Variants in NAF1 observed in about 807,000 individuals in gnomAD.
NAF1 encodes nuclear assembly factor 1 ribonucleoprotein.
In NAF1, 11 loss-of-function variants were observed where a neutral mutation model predicts 40.6. The observed-to-expected ratio is 0.27, with a 90% CI of 0.17 to 0.45. The LOEUF (loss-of-function observed/expected upper bound fraction) is 0.45. Among genes scored for constraint, NAF1 ranks in the 20% least tolerant of loss-of-function variants. NAF1 has a pLI of 1.00. For synonymous variants in NAF1, 260 were observed against 228.5 expected (o/e 1.14, Z -1.24); for missense variants, 607 against 611.1 (o/e 0.99, Z 0.07).
At chr4:163,114,257 A>T (rs1480341094) in intron 2 of NAF1, among the ~76,000 whole-genome samples, 1 of 152,204 alleles carries the variant, frequency 6.6e-6, no homozygotes, top group Non-Finnish European at 1.5e-5. Context: ...ATGGCAATAA[A>T]GCACTTAGTA....
intron 2 of NAF1, among the ~76,000 whole-genome samples, chr4:163,149,950 TG>T (rs1225589324): frequency 6.6e-6 from 1 of 152,146 alleles, no homozygotes; most frequent in African/African-American, 2.4e-5. Context: ...ACTCGGGTTC[TG>T]GGAGTGGCTC....
At chr4:163,151,211 ACAATTTC>A (rs1486802798) in intron 2 of NAF1, among the ~76,000 whole-genome samples, 105 of 152,180 alleles carry the variant, frequency 6.9e-4, no homozygotes, top group African/African-American at 2.5e-3. Flanking sequence ...AAGAAACTAA[ACAATTTC>A]AGTCATTTAG....
chr4:163,159,037 G>T lies in NAF1; in HGVS notation c.540+5180C>A, dbSNP rs190319201. 2.2e-4 allele frequency among the ~76,000 whole-genome samples: 34 copies of T among 152,128 alleles called. No individual in the cohort carries two copies. The East Asian group carries it at 5.0e-3, about 22-fold the overall frequency. On this transcript the variant is annotated intron_variant, in intron 2 of 7. Coordinates refer to ENST00000274054, the MANE Select transcript of NAF1 (RefSeq NM_138386.3). ...CAGATATTTGTCTTTATCTTCTAAA[G>T]CAATCAGCAGAATTCACTTATTAGA...
intron 4 of NAF1, chr4:163,141,996 T>C (rs1296295768): frequency 2.8e-5 from 23 of 808,428 alleles, no homozygotes; most frequent in Non-Finnish European, 3.4e-5. Flanking sequence ...TTAAAAACTA[T>C]TAAAATGCCA....
At chr4:163,120,366 T>C (rs931981013) in intron 2 of NAF1, among the ~76,000 whole-genome samples, 1 of 152,226 alleles carries the variant, frequency 6.6e-6, no homozygotes, top group Non-Finnish European at 1.5e-5. Context: ...TATACTAATA[T>C]TTTATCCCTT....
chr4:163,143,323 G>C (rs968828466), intron 4 of NAF1, among the ~76,000 whole-genome samples: 1 of 152,140 alleles, frequency 6.6e-6, no homozygotes, highest in Non-Finnish European at 1.5e-5. Flanking sequence ...TATAATGTAG[G>C]ATCTGCTGGG....
At chr4:163,110,321 T>C in intron 2 of NAF1, 2 of 696,262 alleles carry the variant, frequency 2.9e-6, no homozygotes, top group Non-Finnish European at 5.2e-6. Context: ...ATCAGATATT[T>C]TGAGAGAGAA....
chr4:163,166,572 G>A lies in NAF1; in HGVS notation c.156C>T (p.Asp52=), dbSNP rs1318594255. 8 of 1,608,668 alleles carry A rather than the reference G, an allele frequency of 5.0e-6. No individual in the cohort carries two copies. The highest frequency in any genetic ancestry group is 2.7e-5 in the African/African-American group (2 of 74,830). Reference sequence around the variant, plus strand: ...GCTTAACCTCCACGGTCTGCCCAGCGTCCGGGGACCCCTCAAACGACTGTA... The same window carrying A: ...GCTTAACCTCCACGGTCTGCCCAGCATCCGGGGACCCCTCAAACGACTGTA... The part of the protein sequence containing the change: ...PPLQSFEGSP[D]AGQTVEVKPA... The change falls in exon 1 of 8, where the codon GAC becomes GAT. Residue 52 remains aspartate, a synonymous_variant. Transcript: ENST00000274054.
At position 163,129,148 on chromosome 4, in the gene NAF1, G is replaced by A; in HGVS notation, c.1234C>T (p.Gln412Ter). The A allele has an allele frequency of 6.2e-7, 1 of 1,613,946 alleles. No homozygotes were observed. Among genetic ancestry groups the A allele is most frequent in the Non-Finnish European group, 8.5e-7 (1 of 1,179,878 alleles). The change falls in exon 8 of 8, where the codon CAG becomes TAG. Residue 412 changes from glutamine (Q) to a stop codon, truncating the protein, a stop_gained. Coordinates refer to ENST00000274054, the MANE Select transcript of NAF1 (RefSeq NM_138386.3). LOFTEE classifies it low-confidence loss of function (END_TRUNC). The stretch of plus-strand genomic sequence containing the variant: ...GGCATAATGGGATTATTTTGTCTCT[G>A]AGAAGGAAATCCTGAAGTCTCCTGA... ...VSQETSGFPS[Q>*]RQNNPIMPQY... is the part of the protein sequence containing the mutation.
chr4:163,154,916 G>A (rs1004398611), intron 2 of NAF1, among the ~76,000 whole-genome samples: 1 of 151,380 alleles, frequency 6.6e-6, no homozygotes, highest in Middle Eastern at 3.2e-3. Context: ...GAGCGAGAGA[G>A]GAGAACAAAG....
rs536577556 is a variant in NAF1 at position 163,118,803 on chromosome 4, ACG to A, written c.115-8515_115-8514del. On this transcript the variant is annotated intron_variant, in intron 2 of 2. Transcript: ENST00000509434. ...AACTTATTTTATATGAGCATTTGTA[ACG>A]GTCATTGCTACTTGCCCACATTAGG... Among the ~76,000 whole-genome samples, 46 of 152,286 alleles carry A rather than the reference ACG, an allele frequency of 3.0e-4. No individual in the cohort carries two copies. In the East Asian group the frequency reaches 8.9e-3, roughly 29 times the overall value.
At chr4:163,124,113 C>G (rs568117677), downstream of NAF1, among the ~76,000 whole-genome samples, 7 of 152,228 alleles carry the variant, frequency 4.6e-5, no homozygotes, top group African/African-American at 1.7e-4. Flanking sequence ...CTCAGCTACT[C>G]AAAAGGCTGA....
At chr4:163,165,076 C>T (rs1732396515) in intron 1 of NAF1, among the ~76,000 whole-genome samples, 1 of 152,140 alleles carries the variant, frequency 6.6e-6, no homozygotes, top group South Asian at 2.1e-4. Context: ...AGTCATCATC[C>T]ATGTGAATTA....
At chr4:163,122,682 CT>C (rs1048354831), downstream of NAF1, among the ~76,000 whole-genome samples, 40 of 152,274 alleles carry the variant, frequency 2.6e-4, 1 homozygote, top group African/African-American at 9.4e-4. Flanking sequence ...GAGATGGGAC[CT>C]TTAACAGGTG....
downstream of NAF1, among the ~76,000 whole-genome samples, chr4:163,108,368 C>G (rs572635260): frequency 6.6e-6 from 1 of 152,294 alleles, no homozygotes; most frequent in Non-Finnish European, 1.5e-5. Context: ...TTAATTCAAG[C>G]CCATTAGCCA....
intron 4 of NAF1, 57 bp downstream of exon 4, chr4:163,145,725 C>CAG (rs1731437092): frequency 8.6e-7 from 1 of 1,158,434 alleles, no homozygotes; most frequent in Admixed American, 2.3e-5. Context: ...TGGGGAAAGT[C>CAG]AGAAAAAAAC....
intron 5 of NAF1, among the ~76,000 whole-genome samples, chr4:163,139,433 C>A (rs565583965): frequency 6.6e-6 from 1 of 151,742 alleles, no homozygotes; most frequent in African/African-American, 2.4e-5. Flanking sequence ...TTACATCATT[C>A]GAAAGCATTC....
intron 5 of NAF1, among the ~76,000 whole-genome samples, chr4:163,137,932 T>A (rs1298063185): frequency 2.0e-5 from 3 of 152,154 alleles, no homozygotes; most frequent in Non-Finnish European, 4.4e-5. Flanking sequence ...GTTTTACACT[T>A]TACATCCAAC....
chr4:163,104,275 A>T, the NAF1 span, among the ~76,000 whole-genome samples: 1 of 152,210 alleles, frequency 6.6e-6, no homozygotes, highest in African/African-American at 2.4e-5. Flanking sequence ...GTATACATGC[A>T]GGTCACAGGG....
Sources: gnomAD v4.1 joint callset for allele counts (sites outside exome capture counted in the v4.1 genomes callset) on GRCh38, gnomAD v4.1.1 for gene constraint, MANE v1.5 for transcripts, NCBI Gene and HGNC (gene_info 2026-07-23, HGNC 2026-07-21) for gene names.